CDK13: variants seen among roughly 807,000 people sequenced by gnomAD.
CDK13 encodes the protein cyclin-dependent kinase 13.
A neutral mutation model predicts 137.6 loss-of-function variants in CDK13; 40 were observed. The observed-to-expected ratio is 0.29, with a 90% CI of 0.23 to 0.38. The LOEUF is 0.38. Ranked by LOEUF, CDK13 falls within the 10% of genes least tolerant of loss-of-function variation. The pLI is 1.00. For synonymous variants in CDK13, 869 were observed against 760.1 expected, an observed-to-expected ratio of 1.14 and a Z score of -2.36; for missense variants, 1,704 against 1,951.8, an observed-to-expected ratio of 0.87 and a Z score of 2.39.
intron 7 of CDK13, among the ~76,000 whole-genome samples, chr7:40,057,258 GA>G (rs546059471): frequency 7.3e-5 from 11 of 150,044 alleles, no homozygotes; most frequent in Non-Finnish European, 1.0e-4. Context: ...TGTCTCAAAA[GA>G]AAAAAAAAAT....
chr7:40,068,165 G>C (rs1277923439), intron 9 of CDK13, among the ~76,000 whole-genome samples: 1 of 151,782 alleles, frequency 6.6e-6, no homozygotes, highest in East Asian at 1.9e-4. Flanking sequence ...ATAGTATCCA[G>C]CTTTTTATCA....
intron 5 of CDK13, among the ~76,000 whole-genome samples, chr7:40,024,411 C>T (rs543816883): frequency 7.9e-5 from 12 of 152,298 alleles, no homozygotes; most frequent in African/African-American, 2.9e-4. Flanking sequence ...ATTTTCTCGC[C>T]ACTTTATAAA....
intron 5 of CDK13, among the ~76,000 whole-genome samples, chr7:40,032,882 T>C (rs1197353957): frequency 6.6e-6 from 1 of 152,216 alleles, no homozygotes; most frequent in African/African-American, 2.4e-5. Flanking sequence ...AATCTTTTAC[T>C]ATCTATATAA....
At chr7:40,015,047 A>G (rs1414311168) in intron 5 of CDK13, among the ~76,000 whole-genome samples, 1 of 152,220 alleles carries the variant, frequency 6.6e-6, no homozygotes, top group Admixed American at 6.5e-5. Flanking sequence ...GTAGAAGATG[A>G]TAGAGGAATG....
intron 1 of CDK13, among the ~76,000 whole-genome samples, chr7:39,975,867 A>G (rs954698989): frequency 6.6e-6 from 1 of 152,244 alleles, no homozygotes; most frequent in African/African-American, 2.4e-5. Context: ...AAACCACTAC[A>G]GAGTTTTAAG....
Position 40,095,296 on chromosome 7 carries a change from A to C in CDK13, c.*316A>C, listed in dbSNP as rs1584101069. 1 of 179,222 alleles carries C rather than the reference A, an allele frequency of 5.6e-6. No individual in the cohort carries two copies. The highest frequency in any genetic ancestry group is 1.2e-5 in the Non-Finnish European group (1 of 86,064). 11.1% of individuals were successfully genotyped at this position (179,222 alleles called of 1,614,324 possible). On this transcript the variant is annotated 3_prime_UTR_variant, in exon 14 of 14. Coordinates refer to ENST00000181839, the MANE Select transcript of CDK13 (RefSeq NM_003718.5). ...TATGGCCCTCTTGCAGATCTTCTGAACTATGCACATTTGTGCTTTTTTTGT... is the reference window on the plus strand; with the variant it reads ...TATGGCCCTCTTGCAGATCTTCTGACCTATGCACATTTGTGCTTTTTTTGT...
chr7:39,996,791 C>T (rs988257749), intron 2 of CDK13, among the ~76,000 whole-genome samples: 5 of 151,736 alleles, frequency 3.3e-5, no homozygotes, highest in African/African-American at 7.3e-5. Context: ...GGTGAAACCC[C>T]GTCTCTATTA....
chr7:40,065,047 G>GATC (rs1339767335), intron 9 of CDK13, among the ~76,000 whole-genome samples: 1 of 133,570 alleles, frequency 7.5e-6, no homozygotes, highest in Non-Finnish European at 1.5e-5. Flanking sequence ...GGACTCAAGC[G>GATC]ATCATCCTGT....
chr7:40,022,821 A>G (rs1461773161), intron 5 of CDK13, among the ~76,000 whole-genome samples: 1 of 151,434 alleles, frequency 6.6e-6, no homozygotes, highest in Non-Finnish European at 1.5e-5. Context: ...GATTAAAGGT[A>G]GATCCATAGG....
chr7:39,976,653 G>GT (rs896758832), intron 1 of CDK13, among the ~76,000 whole-genome samples: 1 of 151,892 alleles, frequency 6.6e-6, no homozygotes, highest in Non-Finnish European at 1.5e-5. Flanking sequence ...AATATACTAT[G>GT]TTTTTTTCTA....
chr7:39,965,752 T>G (rs375431417), intron 1 of CDK13, among the ~76,000 whole-genome samples: 46,714 of 151,742 alleles, frequency 0.31, 7,688 homozygotes, highest in Middle Eastern at 0.47. Flanking sequence ...GCAGTGGCTC[T>G]TACCGGTTGT....
At chr7:39,960,361 TTCTCCTGCCTCAGCC>T (rs1787577091) in intron 1 of CDK13, among the ~76,000 whole-genome samples, 1 of 151,456 alleles carries the variant, frequency 6.6e-6, no homozygotes, top group East Asian at 1.9e-4. Flanking sequence ...GTTCACACTA[TTCTCCTGCCTCAGCC>T]TCGCGAGTAG....
chr7:39,995,935 G>A (rs1426331360), intron 2 of CDK13, among the ~76,000 whole-genome samples: 1 of 152,174 alleles, frequency 6.6e-6, no homozygotes, highest in Non-Finnish European at 1.5e-5. Context: ...GCTTGAACTC[G>A]GGAGATGGAG....
chr7:40,006,276 C>T (rs1038327382), intron 5 of CDK13, among the ~76,000 whole-genome samples: 2 of 152,120 alleles, frequency 1.3e-5, no homozygotes, highest in Non-Finnish European at 2.9e-5. Flanking sequence ...CAGTTACTTA[C>T]ATTAGTTTCA....
At chr7:40,054,245 A>C (rs1274378743) in intron 7 of CDK13, among the ~76,000 whole-genome samples, 1 of 152,196 alleles carries the variant, frequency 6.6e-6, no homozygotes, top group Non-Finnish European at 1.5e-5. Flanking sequence ...CTTCCAGCAG[A>C]TTAGGAAGTT....
chr7:40,083,197 C>A (rs1160121434), intron 11 of CDK13, among the ~76,000 whole-genome samples: 1 of 146,434 alleles, frequency 6.8e-6, no homozygotes, highest in Non-Finnish European at 1.5e-5. Flanking sequence ...GGAGGCTGGG[C>A]ATGGTGACTC....
chr7:39,970,500 G>T (rs534563192), intron 1 of CDK13, among the ~76,000 whole-genome samples: 3 of 147,536 alleles, frequency 2.0e-5, no homozygotes, highest in Non-Finnish European at 3.0e-5. Context: ...TTACTTCTTC[G>T]TCTAGACTGG....
intron 3 of CDK13, 143 bp from the exon 4 acceptor site, chr7:39,999,218 G>A: frequency 1.7e-6 from 1 of 571,762 alleles, no homozygotes. Context: ...AGTGTTACTT[G>A]TTTGGGATAG....
chr7:39,987,653 T>C lies in CDK13; in HGVS notation c.1266T>C (p.Ser422=). 1 of 1,612,928 alleles carries C rather than the reference T, an allele frequency of 6.2e-7. No individual in the cohort carries two copies. The highest frequency in any genetic ancestry group is 8.5e-7 in the Non-Finnish European group (1 of 1,179,728). Residue 422 remains serine (S), a synonymous_variant, in exon 2 of 14, where the codon TCT becomes TCC. Coordinates refer to ENST00000181839, the MANE Select transcript of CDK13 (RefSeq NM_003718.5). ...RSPYSSRHSR[S]RSRHRLSRSR... is the part of the protein sequence containing the mutation. ...CGTATTCATCTAGGCATTCAAGATCTCGTAGCAGGCACAGATTGTCTAGAT... is the reference window on the plus strand; with the variant it reads ...CGTATTCATCTAGGCATTCAAGATCCCGTAGCAGGCACAGATTGTCTAGAT...
Sources: gnomAD v4.1 joint callset for allele counts (sites outside exome capture counted in the v4.1 genomes callset) on GRCh38, gnomAD v4.1.1 for gene constraint, MANE v1.5 for transcripts, NCBI Gene and HGNC (gene_info 2026-07-23, HGNC 2026-07-21) for gene names.